Variants in KMT2E observed in about 807,000 individuals in gnomAD.
The protein encoded by KMT2E is histone reader KMT2E.
In KMT2E, 30 loss-of-function variants were observed where a neutral mutation model predicts 184.6. That is an observed-to-expected ratio of 0.16 (90% CI 0.12 to 0.22). The LOEUF (loss-of-function observed/expected upper bound fraction) is 0.22, where lower values mean the gene tolerates loss of function less well. Among genes scored for constraint, KMT2E ranks in the 10% least tolerant of loss-of-function variants. The pLI, the probability that KMT2E is intolerant of heterozygous loss-of-function variation, is 1.00. For missense variants in KMT2E, 2,023 were observed against 2,237.4 expected, an observed-to-expected ratio of 0.90 and a Z score of 1.93; for synonymous variants, 815 against 776.5, an observed-to-expected ratio of 1.05 and a Z score of -0.82.
rs754528258 is a variant in KMT2E, at chr7:105,091,244, A to T, written c.1652A>T (p.Glu551Val). Residue 551 changes from glutamate to valine, a missense_variant, in exon 15 of 27, where the codon GAA (glutamate) becomes GTA (valine). Glu to Val is a moderately radical substitution (Grantham distance 121). This residue lies in a region of KMT2E where 514 missense variants were observed against 621.8 expected (regional missense o/e 0.83). Coordinates refer to ENST00000311117, the MANE Select transcript of KMT2E (RefSeq NM_182931.3). ...QEPDFIDDIE[E>V]KTPISNEVEM... ...CCAGATTTTATTGATGATATAGAAG[A>T]AAAAACTCCTATTAGTAATGAAGTA... The T allele has an allele frequency of 2.6e-5, 42 of 1,585,088 alleles. No homozygotes were observed. The highest frequency in any genetic ancestry group is 6.7e-5 in the Admixed American group (4 of 59,466).
At chr7:105,019,537 C>T (rs1181247605) in intron 1 of KMT2E, among the ~76,000 whole-genome samples, 2 of 152,148 alleles carry the variant, frequency 1.3e-5, no homozygotes, top group Admixed American at 6.5e-5. Context: ...GACACTACGT[C>T]TTTTAATGAG....
intron 3 of KMT2E, among the ~76,000 whole-genome samples, chr7:105,049,493 T>G (rs1796240405): frequency 6.6e-6 from 1 of 152,038 alleles, no homozygotes; most frequent in Admixed American, 6.6e-5. Context: ...TAGTAAATAT[T>G]TATTGAGGGC....
chr7:105,039,596 C>T (rs1430434496), intron 2 of KMT2E, among the ~76,000 whole-genome samples: 1 of 152,092 alleles, frequency 6.6e-6, no homozygotes, highest in Non-Finnish European at 1.5e-5. Flanking sequence ...TGAGTTCATA[C>T]ATTATGGGGG....
intron 14 of KMT2E, among the ~76,000 whole-genome samples, chr7:105,090,974 A>G (rs1423160431): frequency 6.6e-6 from 1 of 152,208 alleles, no homozygotes; most frequent in Non-Finnish European, 1.5e-5. Context: ...AGGCCATGCT[A>G]CCATATTTGA....
At chr7:105,078,768 A>C (rs534767220) in intron 11 of KMT2E, 78 bp from the exon 12 acceptor site, 25 of 712,390 alleles carry the variant, frequency 3.5e-5, no homozygotes, top group South Asian at 3.5e-4. Flanking sequence ...TCGGCCTCCC[A>C]AAGTGCTGGA....
At chr7:105,109,624 TGG>T (rs1799096985) in intron 23 of KMT2E, among the ~76,000 whole-genome samples, 2 of 152,306 alleles carry the variant, frequency 1.3e-5, no homozygotes, top group Admixed American at 1.3e-4. Context: ...CTTTGCTCCT[TGG>T]TCCCCTTTCC....
At chr7:105,055,074 T>C (rs961148336) in intron 3 of KMT2E, among the ~76,000 whole-genome samples, 1 of 152,156 alleles carries the variant, frequency 6.6e-6, no homozygotes, top group African/African-American at 2.4e-5. Context: ...TCTAGGAGAA[T>C]TATTTACAGA....
At chr7:105,045,045 C>G (rs532510420) in intron 3 of KMT2E, among the ~76,000 whole-genome samples, 2 of 152,266 alleles carry the variant, frequency 1.3e-5, no homozygotes, top group African/African-American at 4.8e-5. Context: ...TTTATCTGTT[C>G]CTCTAATTCC....
intron 13 of KMT2E, among the ~76,000 whole-genome samples, chr7:105,087,230 C>G (rs1040122998): frequency 3.6e-5 from 5 of 140,794 alleles, no homozygotes; most frequent in Admixed American, 7.2e-5. Flanking sequence ...ATTATATAAG[C>G]ATATATATAA....
At chr7:105,108,652 A>T (rs767133338) in intron 22 of KMT2E, 3 of 444,332 alleles carry the variant, frequency 6.8e-6, no homozygotes, top group Non-Finnish European at 1.3e-5. Flanking sequence ...CAGCTGTGTG[A>T]CCTTGAGTGA....
chr7:105,098,458 T>A (rs1798515581), intron 15 of KMT2E, among the ~76,000 whole-genome samples: 1 of 152,096 alleles, frequency 6.6e-6, no homozygotes, highest in Non-Finnish European at 1.5e-5. Context: ...CTGGCTGGAG[T>A]GCAGTGGCGC....
intron 6 of KMT2E, among the ~76,000 whole-genome samples, chr7:105,070,105 T>A (rs779156083): frequency 1.3e-5 from 2 of 152,186 alleles, no homozygotes; most frequent in Non-Finnish European, 2.9e-5. Context: ...GGGTTGTTTC[T>A]ACTTTTTTGG....
intron 15 of KMT2E, among the ~76,000 whole-genome samples, chr7:105,092,969 A>C (rs1250245048): frequency 6.6e-6 from 1 of 151,864 alleles, no homozygotes; most frequent in African/African-American, 2.4e-5. Context: ...TTAGGTGGGA[A>C]GATCACTTCA....
intron 3 of KMT2E, 31 bp from the exon 4 acceptor site, chr7:105,062,133 A>G (rs1012604402): frequency 6.7e-6 from 9 of 1,342,952 alleles, no homozygotes; most frequent in Middle Eastern, 1.8e-4. Flanking sequence ...AAAAGAATGG[A>G]ATTCTCTTTG....
chr7:105,049,479 A>G (rs1309780062), intron 3 of KMT2E, among the ~76,000 whole-genome samples: 4 of 152,206 alleles, frequency 2.6e-5, no homozygotes, highest in Non-Finnish European at 4.4e-5. Flanking sequence ...TCAGTGCTCT[A>G]AATTAGTAAA....
At chr7:105,087,362 T>A (rs767993165) in intron 13 of KMT2E, among the ~76,000 whole-genome samples, 1 of 132,540 alleles carries the variant, frequency 7.5e-6, no homozygotes, top group Non-Finnish European at 1.7e-5. Context: ...GGCATCTCTT[T>A]ATATTAATAT....
chr7:105,112,592 T>C lies in KMT2E; in HGVS notation c.4836T>C (p.Ser1612=). 1 of 1,613,958 alleles carries C rather than the reference T, an allele frequency of 6.2e-7. No individual in the cohort carries two copies. Among genetic ancestry groups the C allele is most frequent in the Middle Eastern group, 1.6e-4 (1 of 6,062 alleles). Residue 1612 remains serine, a synonymous_variant, in exon 27 of 27, where the codon TCT becomes TCC. Coordinates refer to ENST00000311117, the MANE Select transcript of KMT2E (RefSeq NM_182931.3). ...TGACTCCAGGGCATTTTTTGCCCTCTCAGAACCCTACCATTCACCATCAAA... is the reference window on the plus strand; with the variant it reads ...TGACTCCAGGGCATTTTTTGCCCTCCCAGAACCCTACCATTCACCATCAAA... ...HHVTPGHFLP[S]QNPTIHHQTA... is the part of the protein sequence containing the mutation.
In KMT2E at chr7:105,107,565, T is replaced by C. The variant is rs1161388008; in HGVS notation, c.3108T>C (p.His1036=). 6.8e-6 allele frequency: 11 copies of C among 1,613,940 alleles called. No homozygotes were observed. Among genetic ancestry groups the C allele is most frequent in the Non-Finnish European group, 7.6e-6 (9 of 1,179,990 alleles). Residue 1036 remains histidine (H), a synonymous_variant, in exon 22 of 27, where the codon CAT becomes CAC. Transcript: ENST00000311117. The stretch of plus-strand genomic sequence containing the variant: ...ATGCAGTTGAGCCAACTGCCCTACA[T>C]AAAACCCTGGAAACGCCTGCACATG... ...GLDAVEPTAL[H]KTLETPAHDR...
At chr7:105,035,359 G>C (rs77001988) in intron 1 of KMT2E, among the ~76,000 whole-genome samples, 1 of 151,358 alleles carries the variant, frequency 6.6e-6, no homozygotes, top group African/African-American at 2.4e-5. Context: ...AGTAGAGATG[G>C]GGTTTCATCA....
Sources: allele counts gnomAD v4.1 joint callset (sites outside exome capture counted in the v4.1 genomes callset), GRCh38; gene constraint gnomAD v4.1.1; regional missense constraint gnomAD v4.1.1; transcripts MANE v1.5; gene names NCBI Gene and HGNC (gene_info 2026-07-23, HGNC 2026-07-21).